SPIN1: variants seen among roughly 807,000 people sequenced by gnomAD.
The protein encoded by SPIN1 is spindlin-1.
In SPIN1, 3 loss-of-function variants were observed where a neutral mutation model predicts 26.0. That is an observed-to-expected ratio of 0.12 (90% CI 0.05 to 0.30). The LOEUF is 0.30. SPIN1 is among the 10% of genes least tolerant of loss of function. The probability of loss-of-function intolerance (pLI) is 1.00; values close to 1 mark genes in which losing one functional copy is unlikely to be tolerated. For missense variants in SPIN1, 126 were observed against 333.4 expected, an observed-to-expected ratio of 0.38 and a Z score of 4.84; for synonymous variants, 101 against 116.5, an observed-to-expected ratio of 0.87 and a Z score of 0.86.
chr9:88,400,418 T>C (rs148760287), intron 1 of SPIN1, among the ~76,000 whole-genome samples: 131 of 152,328 alleles, frequency 8.6e-4, no homozygotes, highest in Middle Eastern at 6.8e-3. Flanking sequence ...TTCAGTGTTA[T>C]AGTTCAAGGA....
chr9:88,419,462 CATCT>C (rs1490680766), intron 1 of SPIN1, among the ~76,000 whole-genome samples: 1 of 152,162 alleles, frequency 6.6e-6, no homozygotes, highest in African/African-American at 2.4e-5. Context: ...ACCACTGCTC[CATCT>C]GTGAGGGCGC....
intron 1 of SPIN1, among the ~76,000 whole-genome samples, chr9:88,394,287 A>G (rs1480531164): frequency 6.6e-6 from 1 of 152,188 alleles, no homozygotes; most frequent in African/African-American, 2.4e-5. Flanking sequence ...TTCTGACACA[A>G]GATGTCTAAG....
intron 4 of SPIN1, among the ~76,000 whole-genome samples, chr9:88,466,779 C>T (rs1345124391): frequency 6.6e-6 from 1 of 152,130 alleles, no homozygotes; most frequent in Non-Finnish European, 1.5e-5. Flanking sequence ...CTCCCGTAGC[C>T]CAGGCTGGAG....
chr9:88,433,465 T>A (rs1365957126), intron 2 of SPIN1, among the ~76,000 whole-genome samples: 1 of 152,184 alleles, frequency 6.6e-6, no homozygotes, highest in Non-Finnish European at 1.5e-5. Context: ...AGTCTCTGTT[T>A]CATTTGGAGG....
chr9:88,408,921 C>G (rs936236494), intron 1 of SPIN1, among the ~76,000 whole-genome samples: 6 of 151,782 alleles, frequency 4.0e-5, no homozygotes, highest in Non-Finnish European at 8.8e-5. Flanking sequence ...CTGGGCCTCC[C>G]AAAGTGTTGG....
intron 1 of SPIN1, among the ~76,000 whole-genome samples, chr9:88,393,364 A>G (rs951361208): frequency 4.0e-5 from 6 of 151,162 alleles, no homozygotes; most frequent in Non-Finnish European, 1.5e-5. Context: ...TTAACAAATC[A>G]TATCATATAT....
rs183578974 is a variant in SPIN1 at position 88,463,109 on chromosome 9, C to T, written c.355+360C>T. Among the ~76,000 whole-genome samples the T allele has an allele frequency of 6.0e-4, 91 of 152,294 alleles. 1 individual carries two copies. In the Middle Eastern group the frequency reaches 0.014, roughly 23 times the overall value. Reference sequence around the variant, plus strand: ...ATCAGATACAAAAGATAAGAGAATGCTGTGCCTTTAGAATCTTTCTGTGAA... The same window carrying T: ...ATCAGATACAAAAGATAAGAGAATGTTGTGCCTTTAGAATCTTTCTGTGAA... On this transcript the variant is annotated intron_variant, in intron 4 of 5. Transcript: ENST00000375859.
rs116873969 is a variant in SPIN1 at position 88,407,532 on chromosome 9, C to T, written c.-158-18850C>T. Among the ~76,000 whole-genome samples the T allele has an allele frequency of 7.4e-3, 1,118 of 151,806 alleles. 9 individuals carry two copies. The Middle Eastern group carries it at 0.078, about 11-fold the overall frequency. On this transcript the variant is annotated intron_variant, in intron 1 of 5. Transcript: ENST00000375859. Reference sequence around the variant, plus strand: ...TTAAAATAAGCTATTGAATTGTGGTCAGGAGCAGTGGCTCACATCTGTAAT... The same window carrying T: ...TTAAAATAAGCTATTGAATTGTGGTTAGGAGCAGTGGCTCACATCTGTAAT...
At position 88,408,368 on chromosome 9, in the gene SPIN1, CT is replaced by C. The variant is rs1479633766; in HGVS notation, c.-158-18007del. On this transcript the variant is annotated intron_variant, in intron 1 of 5. Coordinates refer to ENST00000375859, the MANE Select transcript of SPIN1 (RefSeq NM_006717.3). The stretch of plus-strand genomic sequence containing the variant: ...TATTTTTGTTTTGGTTTTTCTTTTC[CT>C]TTTTTTCTTTTTTTTTTTTTTTTTT... Among the ~76,000 whole-genome samples the C allele has an allele frequency of 1.9e-3, 250 of 131,888 alleles. 8 individuals carry two copies. The South Asian group carries it at 0.046, about 24-fold the overall frequency. The allele number at this position is 131,888 out of a possible 152,430, so 86.5% of individuals were successfully genotyped here. A position where few individuals can be genotyped will look rare whatever the true frequency, so the allele number is the denominator to read the frequency against.
chr9:88,393,201 C>T (rs1047351055), intron 1 of SPIN1, among the ~76,000 whole-genome samples: 6 of 148,514 alleles, frequency 4.0e-5, no homozygotes, highest in African/African-American at 1.5e-4. Flanking sequence ...TTATTTTATC[C>T]AAATGGTGAG....
At chr9:88,415,258 C>T (rs1827537089) in intron 1 of SPIN1, among the ~76,000 whole-genome samples, 2 of 152,016 alleles carry the variant, frequency 1.3e-5, no homozygotes, top group Non-Finnish European at 2.9e-5. Context: ...CAGATATCTA[C>T]TTGGTATATA....
chr9:88,473,810 C>T (rs75865728), intron 5 of SPIN1, among the ~76,000 whole-genome samples: 1,659 of 152,238 alleles, frequency 0.011, 17 homozygotes, highest in African/African-American at 0.034. Flanking sequence ...ATAAAATTCA[C>T]GTGCGATTGT....
intron 3 of SPIN1, among the ~76,000 whole-genome samples, chr9:88,456,141 A>C (rs1432931555): frequency 6.6e-6 from 1 of 152,010 alleles, no homozygotes; most frequent in East Asian, 1.9e-4. Flanking sequence ...AACAATGGAA[A>C]CTCCACATGG....
At chr9:88,432,082 T>G (rs926644121) in intron 2 of SPIN1, among the ~76,000 whole-genome samples, 1 of 152,156 alleles carries the variant, frequency 6.6e-6, no homozygotes, top group African/African-American at 2.4e-5. Context: ...GTTTCTTCTT[T>G]AACTGTCTCC....
intron 1 of SPIN1, among the ~76,000 whole-genome samples, chr9:88,415,366 A>T (rs1827538911): frequency 6.6e-6 from 1 of 152,134 alleles, no homozygotes; most frequent in Admixed American, 6.5e-5. Context: ...TTGAAGTTTT[A>T]GCTAAAGGCA....
chr9:88,422,713 TC>T (rs1334048910), intron 1 of SPIN1, among the ~76,000 whole-genome samples: 2 of 144,146 alleles, frequency 1.4e-5, no homozygotes, highest in African/African-American at 5.6e-5. Context: ...GACTCTTTTT[TC>T]TTTTTTTTTT....
intron 1 of SPIN1, among the ~76,000 whole-genome samples, chr9:88,406,283 T>G (rs1827308201): frequency 6.9e-6 from 1 of 145,676 alleles, no homozygotes; most frequent in Non-Finnish European, 1.5e-5. Context: ...GCCAACAGTA[T>G]ATACTAGAAT....
At chr9:88,395,946 C>T (rs769758279) in intron 1 of SPIN1, among the ~76,000 whole-genome samples, 8 of 151,862 alleles carry the variant, frequency 5.3e-5, no homozygotes, top group Non-Finnish European at 8.8e-5. Flanking sequence ...ACTCGGGAGG[C>T]TGAGGCAAGA....
At chr9:88,470,750 A>G (rs1207304277) in intron 5 of SPIN1, among the ~76,000 whole-genome samples, 6 of 151,914 alleles carry the variant, frequency 3.9e-5, no homozygotes, top group African/African-American at 1.2e-4. Flanking sequence ...GCGTGCCACC[A>G]TGTCTTCTAA....
Sources: allele counts gnomAD v4.1 joint callset (sites outside exome capture counted in the v4.1 genomes callset), GRCh38; gene constraint gnomAD v4.1.1; transcripts MANE v1.5; gene names NCBI Gene and HGNC (gene_info 2026-07-23, HGNC 2026-07-21).